Variants in TAF8 observed in about 807,000 individuals in gnomAD.
TAF8 encodes TATA-box binding protein associated factor 8.
Under a neutral mutation model 36.5 loss-of-function variants are expected in TAF8, and 47 were observed. That is an observed-to-expected ratio of 1.29 (90% CI 1.02 to 1.64). The LOEUF (loss-of-function observed/expected upper bound fraction) is 1.64, where lower values mean the gene tolerates loss of function less well. Ranked by LOEUF, TAF8 falls within the 40% of genes most tolerant of loss-of-function variation. The pLI, the probability that TAF8 is intolerant of heterozygous loss-of-function variation, is 0.00. For synonymous variants in TAF8, 175 were observed against 159.5 expected (o/e 1.10, Z -0.73); for missense variants, 420 against 407.6 (o/e 1.03, Z -0.26).
In TAF8 at chr6:42,079,995, T is replaced by TTA. The variant is rs35636843; in HGVS notation, c.*2450_*2451insTA. On this transcript the variant is annotated 3_prime_UTR_variant, in exon 9 of 9. Coordinates refer to ENST00000372977, the MANE Select transcript of TAF8 (RefSeq NM_138572.3). ...TCAGGAACGGAAGAGGGGACGCTAG[T>TTA]AAAAAAAAAAAAATTGGATTCCCCA... The TTA allele has an allele frequency of 5.4e-6, 5 of 930,530 alleles. No homozygotes were observed. Among genetic ancestry groups the TTA allele is most frequent in the Admixed American group, 6.3e-5 (1 of 15,844 alleles). 57.6% of individuals were successfully genotyped at this position (930,530 alleles called of 1,614,324 possible).
At position 42,077,729 on chromosome 6, in the gene TAF8, T is replaced by G; in HGVS notation, c.*184T>G. ...ACCTATTTTCACTGGATGTTTGGGTTGAGGAAGATATGAACAGAATAATGA... is the reference window on the plus strand; with the variant it reads ...ACCTATTTTCACTGGATGTTTGGGTGGAGGAAGATATGAACAGAATAATGA... On this transcript the variant is annotated 3_prime_UTR_variant, in exon 9 of 9. Transcript: ENST00000372977. 6.9e-7 allele frequency: 1 copy of G among 1,458,928 alleles called. No individual in the cohort carries two copies. The allele number at this position is 1,458,928 out of a possible 1,614,324, so 90.4% of individuals were successfully genotyped here.
chr6:42,068,764 C>T (rs1264058329), intron 7 of TAF8, among the ~76,000 whole-genome samples, 157 bp downstream of exon 7: 1 of 152,142 alleles, frequency 6.6e-6, no homozygotes, highest in Non-Finnish European at 1.5e-5. Flanking sequence ...CAGATGTGAC[C>T]CAATCTCCTG....
At chr6:42,050,941 C>T in intron 1 of TAF8, 1 of 1,124,494 alleles carries the variant, frequency 8.9e-7, no homozygotes, top group Non-Finnish European at 1.1e-6. Context: ...TTTTGCCCTC[C>T]TCTCCTCGCG....
Position 42,080,225 on chromosome 6 carries a change from G to C in TAF8, c.*2680G>C. ...ACTGCTCTTGGGAGGTGTTGTCCCA[G>C]TCAGTGTTTCTGCAGCTTCCATTTG... On this transcript the variant is annotated 3_prime_UTR_variant, in exon 9 of 9. Transcript: ENST00000372977. 1 of 985,544 alleles carries C rather than the reference G, an allele frequency of 1.0e-6. No homozygotes were observed. Among genetic ancestry groups the C allele is most frequent in the Non-Finnish European group, 1.2e-6 (1 of 830,030 alleles). 61.0% of individuals were successfully genotyped at this position (985,544 alleles called of 1,614,324 possible). A position where few individuals can be genotyped will look rare whatever the true frequency, so the allele number is the denominator to read the frequency against.
In TAF8 at chr6:42,079,396, A is replaced by G. The variant is rs1250898643; in HGVS notation, c.*1851A>G. 1.0e-6 allele frequency: 1 copy of G among 985,346 alleles called. No homozygotes were observed. The highest frequency in any genetic ancestry group is 1.7e-5 in the African/African-American group (1 of 57,256). 61.0% of individuals were successfully genotyped at this position (985,346 alleles called of 1,614,324 possible). On this transcript the variant is annotated 3_prime_UTR_variant, in exon 9 of 9. Transcript: ENST00000372977. ...CAAGTTTTTAAGGAAGATGCTGGGCATGCTGATAGCTTTTCTGGTCTCCTA... is the reference window on the plus strand; with the variant it reads ...CAAGTTTTTAAGGAAGATGCTGGGCGTGCTGATAGCTTTTCTGGTCTCCTA...
chr6:42,081,068 C>A lies in TAF8; in HGVS notation c.*3523C>A. 2 of 583,834 alleles carry A rather than the reference C, an allele frequency of 3.4e-6. No individual in the cohort carries two copies. The highest frequency in any genetic ancestry group is 4.3e-6 in the Non-Finnish European group (2 of 463,992). The allele number at this position is 583,834 out of a possible 1,614,324, so 36.2% of individuals were successfully genotyped here. A position where few individuals can be genotyped will look rare whatever the true frequency, so the allele number is the denominator to read the frequency against. On this transcript the variant is annotated 3_prime_UTR_variant, in exon 9 of 9. Coordinates refer to ENST00000372977, the MANE Select transcript of TAF8 (RefSeq NM_138572.3). The stretch of plus-strand genomic sequence containing the variant: ...AAAATTAGAGAGCAAAATATATGAA[C>A]CCCTGTATATGCCTCATCAAGCTTC...
Position 42,082,799 on chromosome 6 carries a change from C to T in TAF8, c.*5254C>T, listed in dbSNP as rs1347962505. On this transcript the variant is annotated 3_prime_UTR_variant, in exon 9 of 9. Coordinates refer to ENST00000372977, the MANE Select transcript of TAF8 (RefSeq NM_138572.3). ...TTCTTTAACCATTCACGCATTGAGA[C>T]AAAAAAAGTTCTTAATTCTGCGAAC... 6.6e-6 allele frequency: 1 copy of T among 152,040 alleles called. No individual in the cohort carries two copies. The highest frequency in any genetic ancestry group is 2.4e-5 in the African/African-American group (1 of 41,390). 9.4% of individuals were successfully genotyped at this position (152,040 alleles called of 1,614,324 possible).
chr6:42,057,639 G>C, intron 5 of TAF8, 126 bp downstream of exon 5: 2 of 1,328,824 alleles, frequency 1.5e-6, no homozygotes, highest in South Asian at 1.4e-5. Context: ...TCAGAATGTG[G>C]CCGGGCACAT....
rs893968274 is a variant in TAF8 at position 42,078,169 on chromosome 6, C to T, written c.*624C>T. The T allele has an allele frequency of 2.0e-5, 20 of 984,274 alleles. No homozygotes were observed. The African/African-American group carries it at 2.8e-4, about 14-fold the overall frequency. The allele number at this position is 984,274 out of a possible 1,614,324, so 61.0% of individuals were successfully genotyped here. On this transcript the variant is annotated 3_prime_UTR_variant, in exon 9 of 9. Transcript: ENST00000372977. Reference sequence around the variant, plus strand: ...CCTCCCAAAGTGCTGAGATTACAGGCGTGAGCCACCGCACCCCACCAGAGA... The same window carrying T: ...CCTCCCAAAGTGCTGAGATTACAGGTGTGAGCCACCGCACCCCACCAGAGA...
chr6:42,084,699 G>A (rs1313578070), downstream of TAF8, among the ~76,000 whole-genome samples: 1 of 152,144 alleles, frequency 6.6e-6, no homozygotes, highest in Non-Finnish European at 1.5e-5. Context: ...CTGACCTCAG[G>A]TGATCCACCT....
rs1765875047 is a variant in TAF8 at position 42,080,043 on chromosome 6, C to G, written c.*2498C>G. 9.1e-6 allele frequency: 9 copies of G among 984,948 alleles called. No individual in the cohort carries two copies. Among genetic ancestry groups the G allele is most frequent in the South Asian group, 4.7e-5 (1 of 21,270 alleles). 61.0% of individuals were successfully genotyped at this position (984,948 alleles called of 1,614,324 possible). On this transcript the variant is annotated 3_prime_UTR_variant, in exon 9 of 9. Transcript: ENST00000372977. ...CCAACTGGACTAAATAGGAGTTTTTCAGGTTTGTAGTAACGTGAAACTCTC... is the reference window on the plus strand; with the variant it reads ...CCAACTGGACTAAATAGGAGTTTTTGAGGTTTGTAGTAACGTGAAACTCTC...
chr6:42,070,818 G>T lies in TAF8; in HGVS notation c.780+2211G>T, dbSNP rs115234407. On this transcript the variant is annotated intron_variant, in intron 7 of 8. Coordinates refer to ENST00000372977, the MANE Select transcript of TAF8 (RefSeq NM_138572.3). The stretch of plus-strand genomic sequence containing the variant: ...AGGAGAGAAAGAAAAGTCTGGGAAT[G>T]ATGTCATTTGGTAGACGAGAGGGGA... 9.5e-4 allele frequency among the ~76,000 whole-genome samples: 144 copies of T among 152,346 alleles called. 1 individual carries two copies. Among genetic ancestry groups the T allele is most frequent in the African/African-American group, 3.1e-3 (131 of 41,590 alleles).
chr6:42,078,372 A>T lies in TAF8; in HGVS notation c.*827A>T. ...CTGTTTGTCCAGCGTGTATTTCAGG[A>T]TATCTGGATCCCTTTTATTGACTCA... On this transcript the variant is annotated 3_prime_UTR_variant, in exon 9 of 9. Coordinates refer to ENST00000372977, the MANE Select transcript of TAF8 (RefSeq NM_138572.3). The T allele has an allele frequency of 1.0e-6, 1 of 985,424 alleles. No homozygotes were observed. Among genetic ancestry groups the T allele is most frequent in the Non-Finnish European group, 1.2e-6 (1 of 829,938 alleles). The allele number at this position is 985,424 out of a possible 1,614,324, so 61.0% of individuals were successfully genotyped here.
chr6:42,075,605 G>A (rs994025333), intron 7 of TAF8, among the ~76,000 whole-genome samples: 1 of 152,136 alleles, frequency 6.6e-6, no homozygotes, highest in African/African-American at 2.4e-5. Context: ...TCTCCTGCTT[G>A]AGGTCAGTGA....
intron 2 of TAF8, among the ~76,000 whole-genome samples, chr6:42,055,157 CA>C (rs908198686): frequency 6.6e-6 from 1 of 152,090 alleles, no homozygotes. Context: ...CTCCTGACCT[CA>C]GGTGATCCAC....
chr6:42,077,228 C>T lies in TAF8; in HGVS notation c.909C>T (p.Ile303=). The T allele has an allele frequency of 6.2e-7, 1 of 1,613,026 alleles. No individual in the cohort carries two copies. The highest frequency in any genetic ancestry group is 8.5e-7 in the Non-Finnish European group (1 of 1,179,216). ...PYLRPVKKPK[I]RRKKSLS is the part of the protein sequence containing the mutation. ...TGCGGCCGGTGAAGAAGCCCAAGAT[C>T]CGCAGGAAGAAGTGAGTTGGAGGCT... is the stretch of plus-strand genomic sequence containing the variant. The change falls in exon 8 of 9, where the codon ATC becomes ATT. Residue 303 remains isoleucine (I), a synonymous_variant. Transcript: ENST00000372977.
intron 6 of TAF8, among the ~76,000 whole-genome samples, chr6:42,067,862 G>A (rs950238913): frequency 6.6e-6 from 1 of 152,172 alleles, no homozygotes; most frequent in African/African-American, 2.4e-5. Context: ...ACCACACCCG[G>A]CCTTCTTTCT....
At chr6:42,062,054 CT>C (rs1239809983) in intron 5 of TAF8, among the ~76,000 whole-genome samples, 2 of 151,982 alleles carry the variant, frequency 1.3e-5, no homozygotes, top group East Asian at 1.9e-4. Flanking sequence ...TCCCTCTCCT[CT>C]TTTTTTTCCC....
Position 42,081,098 on chromosome 6 carries a change from C to A in TAF8, c.*3553C>A. 2 of 325,436 alleles carry A rather than the reference C, an allele frequency of 6.1e-6. No homozygotes were observed. Among genetic ancestry groups the A allele is most frequent in the Non-Finnish European group, 8.8e-6 (2 of 227,140 alleles). The allele number at this position is 325,436 out of a possible 1,614,324, so 20.2% of individuals were successfully genotyped here. A position where few individuals can be genotyped will look rare whatever the true frequency, so the allele number is the denominator to read the frequency against. On this transcript the variant is annotated 3_prime_UTR_variant, in exon 9 of 9. Coordinates refer to ENST00000372977, the MANE Select transcript of TAF8 (RefSeq NM_138572.3). Reference sequence around the variant, plus strand: ...GTATATGCCTCATCAAGCTTCCACACTTGTCAGTAGCTTGTTGATTCTGTT... The same window carrying A: ...GTATATGCCTCATCAAGCTTCCACAATTGTCAGTAGCTTGTTGATTCTGTT...
Sources: gnomAD v4.1 joint callset for allele counts (sites outside exome capture counted in the v4.1 genomes callset) on GRCh38, gnomAD v4.1.1 for gene constraint, MANE v1.5 for transcripts, NCBI Gene and HGNC (gene_info 2026-07-23, HGNC 2026-07-21) for gene names.